The following CNTN4 variants were observed in gnomAD, a reference collection of about 807,000 sequenced individuals.
The protein encoded by CNTN4 is contactin-4.
In CNTN4, 77 loss-of-function variants were observed where a neutral mutation model predicts 122.5. That is an observed-to-expected ratio of 0.63 (90% CI 0.52 to 0.76). CNTN4 has a LOEUF of 0.76. Among genes scored for constraint, CNTN4 ranks in the 30% least tolerant of loss-of-function variants. The pLI is 0.00. For missense variants in CNTN4, 1,256 were observed against 1,259.1 expected, an observed-to-expected ratio of 1.00 and a Z score of 0.04; for synonymous variants, 512 against 447.0, an observed-to-expected ratio of 1.15 and a Z score of -1.83.
In CNTN4 at chr3:3,043,576, CT is replaced by C; in HGVS notation, c.2699-14del. ...CTTAATAATCTGTGACTTCGTATAT[CT>C]TAATTTTTTTATAGCACCAAGTCAA... is the stretch of plus-strand genomic sequence containing the variant. On this transcript the variant is annotated splice_polypyrimidine_tract_variant and intron_variant, in intron 22 of 24. Coordinates refer to ENST00000418658, the MANE Select transcript of CNTN4 (RefSeq NM_175607.3). 1 of 1,568,132 alleles carries C rather than the reference CT, an allele frequency of 6.4e-7. No individual in the cohort carries two copies. Among genetic ancestry groups the C allele is most frequent in the South Asian group, 1.1e-5 (1 of 90,106 alleles).
chr3:2,943,628 A>ATTTT (rs1231116494), intron 13 of CNTN4, among the ~76,000 whole-genome samples: 35 of 60,940 alleles, frequency 5.7e-4, no homozygotes, highest in African/African-American at 1.4e-3. Flanking sequence ...ATATATATAT[A>ATTTT]TATTTTTTTT....
At position 2,306,476 on chromosome 3, in the gene CNTN4, A is replaced by G. The variant is rs144290597; in HGVS notation, c.-144-32702A>G. Among the ~76,000 whole-genome samples the G allele has an allele frequency of 7.4e-4, 112 of 152,138 alleles. No homozygotes were observed. The East Asian group carries it at 0.018, about 24-fold the overall frequency. The stretch of plus-strand genomic sequence containing the variant: ...TAAATGTCTGTTCAAATTTTTGTCT[A>G]TTTTTTAACTGGGTCTTTTTTCAAT... On this transcript the variant is annotated intron_variant, in intron 2 of 24. Coordinates refer to ENST00000418658, the MANE Select transcript of CNTN4 (RefSeq NM_175607.3).
At chr3:2,762,346 T>C (rs2090628454) in intron 6 of CNTN4, among the ~76,000 whole-genome samples, 1 of 152,200 alleles carries the variant, frequency 6.6e-6, no homozygotes, top group South Asian at 2.1e-4. Context: ...TTATTTTCCT[T>C]GATCCTCTCC....
intron 23 of CNTN4, among the ~76,000 whole-genome samples, chr3:3,050,885 C>A (rs1201972966): frequency 6.6e-6 from 1 of 151,894 alleles, no homozygotes; most frequent in Non-Finnish European, 1.5e-5. Flanking sequence ...CTCAAGTTCT[C>A]ATCTTTGAAA....
intron 6 of CNTN4, among the ~76,000 whole-genome samples, chr3:2,798,222 G>A (rs935893356): frequency 6.6e-6 from 1 of 151,240 alleles, no homozygotes; most frequent in South Asian, 2.1e-4. Flanking sequence ...CAGTTCCATC[G>A]ATGTTGCTAC....
At position 2,772,055 on chromosome 3, in the gene CNTN4, G is replaced by A. The variant is rs183333799; in HGVS notation, c.358+26358G>A. On this transcript the variant is annotated intron_variant, in intron 6 of 24. Transcript: ENST00000418658. ...GAGAGTGGGAGGCTACAAGGGGAGA[G>A]AGAGAGAGCTAAGGCGGGGAGATGA... Among the ~76,000 whole-genome samples, 47 of 152,296 alleles carry A rather than the reference G, an allele frequency of 3.1e-4. 1 individual carries two copies. The highest frequency in any genetic ancestry group is 6.5e-4 in the Admixed American group (10 of 15,300).
chr3:2,543,733 G>C (rs910586138), intron 3 of CNTN4, among the ~76,000 whole-genome samples: 2 of 152,064 alleles, frequency 1.3e-5, no homozygotes, highest in Non-Finnish European at 2.9e-5. Flanking sequence ...TTCACAAATG[G>C]TCCAAGACTG....
At chr3:2,298,343 A>T (rs1053545848) in intron 2 of CNTN4, among the ~76,000 whole-genome samples, 2 of 152,076 alleles carry the variant, frequency 1.3e-5, no homozygotes, top group Non-Finnish European at 2.9e-5. Context: ...TTGTAGTTGT[A>T]ATTAGTCAGA....
chr3:3,048,500 CTT>C (rs1279220817), intron 23 of CNTN4, among the ~76,000 whole-genome samples: 14 of 127,302 alleles, frequency 1.1e-4, no homozygotes, highest in East Asian at 2.5e-4. Flanking sequence ...AACTCTCTCT[CTT>C]TCTCTCTCTC....
intron 10 of CNTN4, among the ~76,000 whole-genome samples, chr3:2,900,480 A>C (rs904448748): frequency 6.6e-6 from 1 of 152,204 alleles, no homozygotes; most frequent in African/African-American, 2.4e-5. Flanking sequence ...TTTAGCGATT[A>C]AAAGACTACA....
chr3:2,956,014 A>G (rs577204726), intron 13 of CNTN4, among the ~76,000 whole-genome samples: 8 of 152,224 alleles, frequency 5.3e-5, no homozygotes, highest in Non-Finnish European at 1.2e-4. Context: ...AGCATTATGC[A>G]TAATAATCAA....
Position 2,191,772 on chromosome 3 carries a change from G to T in CNTN4, c.-145+91133G>T, listed in dbSNP as rs1305960747. Among the ~76,000 whole-genome samples, 12 of 151,796 alleles carry T rather than the reference G, an allele frequency of 7.9e-5. 1 individual carries two copies. Among genetic ancestry groups the T allele is most frequent in the Admixed American group, 7.9e-4 (12 of 15,234 alleles). ...ATACTTTAAGTTCTAGGGTACATGT[G>T]CACAACATGAGGTTTGTTACATATG... On this transcript the variant is annotated intron_variant, in intron 2 of 24. Transcript: ENST00000418658.
At chr3:2,109,489 A>G (rs770822106) in intron 2 of CNTN4, among the ~76,000 whole-genome samples, 3 of 152,144 alleles carry the variant, frequency 2.0e-5, no homozygotes, top group Admixed American at 6.5e-5. Context: ...TGTAACTTGC[A>G]CACTTGTATT....
At chr3:2,552,417 A>G (rs555032159) in intron 3 of CNTN4, among the ~76,000 whole-genome samples, 2 of 152,296 alleles carry the variant, frequency 1.3e-5, no homozygotes, top group East Asian at 1.9e-4. Context: ...GCCCTTGTAA[A>G]TTAGGGAATA....
chr3:2,485,110 G>C (rs1021613003), intron 3 of CNTN4, among the ~76,000 whole-genome samples: 1 of 152,212 alleles, frequency 6.6e-6, no homozygotes, highest in Non-Finnish European at 1.5e-5. Context: ...CCAGTGCTGC[G>C]CTCGAATTCC....
intron 6 of CNTN4, among the ~76,000 whole-genome samples, chr3:2,747,333 C>T (rs949118295): frequency 4.0e-5 from 6 of 151,272 alleles, no homozygotes; most frequent in Admixed American, 6.6e-5. Context: ...GGCGGGAACC[C>T]GGGAGGCGGA....
chr3:2,268,444 C>G (rs1285702351), intron 2 of CNTN4, among the ~76,000 whole-genome samples: 1 of 151,906 alleles, frequency 6.6e-6, no homozygotes, highest in African/African-American at 2.4e-5. Context: ...ATGTTATACC[C>G]CAGTTACTGC....
At position 2,853,463 on chromosome 3, in the gene CNTN4, T is replaced by G. The variant is rs58009638; in HGVS notation, c.455-13289T>G. Among the ~76,000 whole-genome samples the G allele has an allele frequency of 2.8e-3, 425 of 152,284 alleles. 9 individuals carry two copies. In the East Asian group the frequency reaches 0.072, roughly 26 times the overall value. On this transcript the variant is annotated intron_variant, in intron 7 of 24. Transcript: ENST00000418658. ...TTTCACCACATTGGCCAGGCTGGTCTTGAACTCCTGACCTTGTGATCTGCC... is the reference window on the plus strand; with the variant it reads ...TTTCACCACATTGGCCAGGCTGGTCGTGAACTCCTGACCTTGTGATCTGCC...
intron 3 of CNTN4, among the ~76,000 whole-genome samples, chr3:2,521,343 T>TCGCCCCCCCCCCCCCCCC (rs781282977): frequency 5.5e-5 from 7 of 128,304 alleles, no homozygotes; most frequent in African/African-American, 9.4e-5. Flanking sequence ...CCTCTACCCA[T>TCGCCCCCCCCCCCCCCCC]CCCCCCCACC....
Sources: gnomAD v4.1 joint callset for allele counts (sites outside exome capture counted in the v4.1 genomes callset) on GRCh38, gnomAD v4.1.1 for gene constraint, MANE v1.5 for transcripts, NCBI Gene and HGNC (gene_info 2026-07-23, HGNC 2026-07-21) for gene names.